The following DNAH9 variants were observed in gnomAD, a reference collection of about 807,000 sequenced individuals.
DNAH9 encodes the protein DNAH9 variant protein.
Under a neutral mutation model 471.6 loss-of-function variants are expected in DNAH9, and 345 were observed. The ratio of observed to expected loss-of-function variants is 0.73; its 90% CI spans 0.67 to 0.80. The LOEUF (loss-of-function observed/expected upper bound fraction) is 0.80. Among genes scored for constraint, DNAH9 ranks in the 30% least tolerant of loss-of-function variants. The pLI, the probability that DNAH9 is intolerant of heterozygous loss-of-function variation, is 0.00. For synonymous variants in DNAH9, 2,093 were observed against 2,123.6 expected (o/e 0.99, Z 0.40); for missense variants, 5,407 against 5,609.2 (o/e 0.96, Z 1.15).
chr17:11,809,552 G>A (rs1969812474), intron 44 of DNAH9, among the ~76,000 whole-genome samples: 1 of 152,108 alleles, frequency 6.6e-6, no homozygotes, highest in Admixed American at 6.6e-5. Flanking sequence ...GGGTGACAGA[G>A]CGAGAATCCA....
chr17:11,601,738 C>A (rs1210080736), intron 1 of DNAH9, among the ~76,000 whole-genome samples: 1 of 152,070 alleles, frequency 6.6e-6, no homozygotes, highest in Non-Finnish European at 1.5e-5. Flanking sequence ...ACCCCCTCTC[C>A]TCTCTCTCAG....
At chr17:11,756,819 T>C (rs1726834571) in intron 34 of DNAH9, 143 bp downstream of exon 34, 2 of 639,140 alleles carry the variant, frequency 3.1e-6, no homozygotes, top group Non-Finnish European at 5.6e-6. Flanking sequence ...TTGGAAATGT[T>C]GTGGTAATAA....
chr17:11,877,473 T>TAAAA (rs550300868), intron 53 of DNAH9, among the ~76,000 whole-genome samples: 38 of 68,630 alleles, frequency 5.5e-4, no homozygotes, highest in Non-Finnish European at 6.8e-4. Flanking sequence ...AAACTCTGTC[T>TAAAA]AAAAAAAAAA....
chr17:11,785,866 T>A (rs1968851481), intron 41 of DNAH9, among the ~76,000 whole-genome samples: 1 of 152,128 alleles, frequency 6.6e-6, no homozygotes, highest in South Asian at 2.1e-4. Context: ...AAAATAAGCA[T>A]GTGATGGTTA....
chr17:11,726,210 G>A (rs2075149045), intron 27 of DNAH9, among the ~76,000 whole-genome samples: 1 of 152,070 alleles, frequency 6.6e-6, no homozygotes, highest in African/African-American at 2.4e-5. Flanking sequence ...AAAGCATGTA[G>A]TTTTCTGTGA....
chr17:11,732,115 A>T (rs530846066), intron 28 of DNAH9, among the ~76,000 whole-genome samples: 1 of 152,228 alleles, frequency 6.6e-6, no homozygotes, highest in East Asian at 1.9e-4. Flanking sequence ...CCCAACAGCC[A>T]TTGTTGCCCC....
At chr17:11,769,056 C>T (rs1252263271) in intron 37 of DNAH9, 66 bp from the exon 38 acceptor site, 42 of 1,546,782 alleles carry the variant, frequency 2.7e-5, no homozygotes, top group East Asian at 2.7e-4. Flanking sequence ...TGCTTCGGAA[C>T]GCCGCTGGTG....
Position 11,793,585 on chromosome 17 carries a change from A to G in DNAH9, c.8144A>G (p.Tyr2715Cys). The G allele has an allele frequency of 3.1e-6, 5 of 1,614,056 alleles. No homozygotes were observed. Among genetic ancestry groups the G allele is most frequent in the Non-Finnish European group, 4.2e-6 (5 of 1,179,932 alleles). ...RLYLHESNRV[Y>C]RDKMVEEKDF... ...TATCTGCATGAATCAAATCGAGTTT[A>G]TCGGGATAAGATGGTAGAAGAAAAG... Residue 2715 changes from tyrosine to cysteine, a missense_variant, in exon 42 of 69, where the codon TAT (tyrosine) becomes TGT (cysteine). Tyr to Cys is a radical substitution (Grantham distance 194). This residue lies in a region of DNAH9 where 4,636 missense variants were observed against 4,900.3 expected (regional missense o/e 0.95). Transcript: ENST00000262442.
intron 52 of DNAH9, among the ~76,000 whole-genome samples, chr17:11,873,643 C>T (rs982452888): frequency 6.6e-6 from 1 of 152,106 alleles, no homozygotes; most frequent in African/African-American, 2.4e-5. Flanking sequence ...TAACCAGACA[C>T]AAAAGGTCAC....
intron 29 of DNAH9, among the ~76,000 whole-genome samples, chr17:11,740,060 C>T (rs961838001): frequency 4.6e-5 from 7 of 152,194 alleles, no homozygotes; most frequent in Non-Finnish European, 8.8e-5. Context: ...GTGACGGGGC[C>T]TTCTCCTTCT....
At chr17:11,852,828 A>ATATATATATATG in intron 49 of DNAH9, among the ~76,000 whole-genome samples, 1 of 115,152 alleles carries the variant, frequency 8.7e-6, no homozygotes, top group African/African-American at 4.6e-5. Flanking sequence ...ATATATATAT[A>ATATATATATATG]TATATATATA....
intron 43 of DNAH9, among the ~76,000 whole-genome samples, chr17:11,803,692 C>T (rs1020091583): frequency 6.6e-6 from 1 of 152,228 alleles, no homozygotes; most frequent in Admixed American, 6.5e-5. Flanking sequence ...AACTTCATCA[C>T]AAACGATGCA....
chr17:11,702,058 C>G (rs1186205286), intron 24 of DNAH9, among the ~76,000 whole-genome samples: 1 of 152,174 alleles, frequency 6.6e-6, no homozygotes, highest in Non-Finnish European at 1.5e-5. Flanking sequence ...GGGGACACGC[C>G]CCTGAGCATA....
intron 17 of DNAH9, among the ~76,000 whole-genome samples, chr17:11,670,911 CAGG>C (rs2073962660): frequency 6.6e-6 from 1 of 152,178 alleles, no homozygotes; most frequent in Admixed American, 6.5e-5. Context: ...CCATGTTGGT[CAGG>C]CTGGTCTTGA....
intron 14 of DNAH9, among the ~76,000 whole-genome samples, chr17:11,659,395 G>A (rs2073713267): frequency 6.6e-6 from 1 of 152,142 alleles, no homozygotes; most frequent in Non-Finnish European, 1.5e-5. Flanking sequence ...AAAACCCCTT[G>A]TGGCCTATGG....
chr17:11,709,968 G>A (rs1468438106), intron 26 of DNAH9, among the ~76,000 whole-genome samples: 4 of 152,122 alleles, frequency 2.6e-5, no homozygotes, highest in African/African-American at 4.8e-5. Flanking sequence ...AGCAAAAGTC[G>A]TATGCTCTCT....
chr17:11,617,528 TG>T lies in DNAH9; in HGVS notation c.1024del (p.Val342SerfsTer3). The T allele has an allele frequency of 6.2e-7, 1 of 1,614,032 alleles. No individual in the cohort carries two copies. Among genetic ancestry groups the T allele is most frequent in the East Asian group, 2.2e-5 (1 of 44,850 alleles). On this transcript the variant is annotated frameshift_variant, in exon 5 of 69. Transcript: ENST00000262442. LOFTEE classifies it high-confidence loss of function. ...CCCCAGCTGCGGCCCCTGCTCCACG[TG>T]GTCTGTCTGATTTGGGCCACATGCA... Reference protein sequence around the residue: ...VKPQLRPLLHVVCLIWATCKS... With the variant: ...VKPQLRPLLHXVCLIWATCKS...
At chr17:11,819,409 C>G (rs1970229563) in intron 45 of DNAH9, among the ~76,000 whole-genome samples, 1 of 152,032 alleles carries the variant, frequency 6.6e-6, no homozygotes, top group African/African-American at 2.4e-5. Flanking sequence ...TTAGTCCAGC[C>G]CTTGTCTGCC....
chr17:11,953,863 T>G (rs1165737381), intron 67 of DNAH9: 3 of 151,954 alleles, frequency 2.0e-5, no homozygotes, highest in Non-Finnish European at 2.9e-5. Flanking sequence ...GCACCATATA[T>G]TCAAGAAGCT....
Sources: gnomAD v4.1 joint callset for allele counts (sites outside exome capture counted in the v4.1 genomes callset) on GRCh38, gnomAD v4.1.1 for gene constraint, gnomAD v4.1.1 regional missense constraint, MANE v1.5 for transcripts, NCBI Gene and HGNC (gene_info 2026-07-23, HGNC 2026-07-21) for gene names.